SRGAP3: variants seen among roughly 807,000 people sequenced by gnomAD.
SRGAP3 encodes the protein SLIT-ROBO Rho GTPase activating protein 3.
In SRGAP3, 39 loss-of-function variants were observed where a neutral mutation model predicts 121.1. The observed-to-expected ratio is 0.32, with a 90% CI of 0.25 to 0.42. SRGAP3 has a LOEUF of 0.42. Among genes scored for constraint, SRGAP3 ranks in the 10% least tolerant of loss-of-function variants. The pLI, the probability that SRGAP3 is intolerant of heterozygous loss-of-function variation, is 1.00. For missense variants in SRGAP3, 1,213 were observed against 1,470.6 expected, an observed-to-expected ratio of 0.82 and a Z score of 2.86; for synonymous variants, 601 against 570.0, an observed-to-expected ratio of 1.05 and a Z score of -0.77.
chr3:9,321,026 G>C (rs1251829146), intron 3 of SRGAP3, among the ~76,000 whole-genome samples: 2 of 151,516 alleles, frequency 1.3e-5, no homozygotes, highest in African/African-American at 4.9e-5. Flanking sequence ...AATAGAACGT[G>C]GTGGAAGTAA....
intron 1 of SRGAP3, among the ~76,000 whole-genome samples, chr3:9,144,160 C>A (rs978779149): frequency 1.3e-5 from 2 of 152,220 alleles, no homozygotes; most frequent in Admixed American, 1.3e-4. Context: ...GCCTAAACCT[C>A]TTCAATGGAT....
rs899416958 is a variant in SRGAP3, at chr3:9,159,234, G to A, written c.68-34317C>T. On this transcript the variant is annotated intron_variant, in intron 1 of 21. Transcript: ENST00000383836. ...CTCCTGTTGGTATATTCCCAGCCTC[G>A]GCCCATTTCTTGGTGCTTGTCAGTC... is the stretch of plus-strand genomic sequence containing the variant. 4.6e-5 allele frequency among the ~76,000 whole-genome samples: 7 copies of A among 151,882 alleles called. No individual in the cohort carries two copies. In the East Asian group the frequency reaches 1.3e-3, roughly 29 times the overall value.
chr3:9,057,510 C>G (rs545903233), intron 7 of SRGAP3, among the ~76,000 whole-genome samples: 1 of 152,320 alleles, frequency 6.6e-6, no homozygotes, highest in African/African-American at 2.4e-5. Context: ...TGCAGAGGGT[C>G]TAGCAAATGC....
chr3:9,042,952 C>CA (rs1945091725), intron 10 of SRGAP3, among the ~76,000 whole-genome samples: 1 of 152,070 alleles, frequency 6.6e-6, no homozygotes, highest in Non-Finnish European at 1.5e-5. Flanking sequence ...CCCTCTTCCC[C>CA]AAAAACTCTT....
intron 3 of SRGAP3, among the ~76,000 whole-genome samples, chr3:9,263,232 A>G (rs1954288951): frequency 6.6e-6 from 1 of 152,230 alleles, no homozygotes; most frequent in African/African-American, 2.4e-5. Context: ...TTAAAGGGAA[A>G]TTTATAGCAC....
rs1421301195 is a variant in SRGAP3 at position 8,984,723 on chromosome 3, G to A, written c.*796C>T. The A allele has an allele frequency of 4.3e-6, 1 of 232,298 alleles. No homozygotes were observed. The highest frequency in any genetic ancestry group is 8.5e-6 in the Non-Finnish European group (1 of 117,260). 14.4% of individuals were successfully genotyped at this position (232,298 alleles called of 1,614,324 possible). ...CTCCGGGTGGAAGGGCAGGGTCTCT[G>A]GGGTGGACGGGGGTGGGGATTTCCT... On this transcript the variant is annotated 3_prime_UTR_variant, in exon 22 of 22. Coordinates refer to ENST00000383836, the MANE Select transcript of SRGAP3 (RefSeq NM_014850.4).
chr3:9,013,754 G>A lies in SRGAP3; in HGVS notation c.1902C>T (p.Leu634=). ...ACACTCACTGGTTGAGGAAAGCGAA[G>A]AGGTATCTCATGACCACAATGACCA... ...PRVVIVVMRY[L]FAFLNHLSQY... is the part of the protein sequence containing the mutation. The change falls in exon 16 of 22, where the codon CTC becomes CTT. Residue 634 remains leucine (L), a synonymous_variant. Transcript: ENST00000383836. 1 of 1,614,218 alleles carries A rather than the reference G, an allele frequency of 6.2e-7. No individual in the cohort carries two copies. Among genetic ancestry groups the A allele is most frequent in the Non-Finnish European group, 8.5e-7 (1 of 1,180,034 alleles).
chr3:9,151,614 TC>T (rs1044549946), intron 1 of SRGAP3, among the ~76,000 whole-genome samples: 1 of 152,152 alleles, frequency 6.6e-6, no homozygotes, highest in Non-Finnish European at 1.5e-5. Context: ...AGGAACACAC[TC>T]TAAACAACTG....
intron 1 of SRGAP3, among the ~76,000 whole-genome samples, chr3:9,356,760 G>A (rs1361939253): frequency 6.6e-6 from 1 of 151,718 alleles, no homozygotes; most frequent in Non-Finnish European, 1.5e-5. Context: ...CACCTGCCTC[G>A]GCCTCCTAAA....
chr3:9,027,997 T>C (rs1340360522), intron 12 of SRGAP3: 14 of 1,360,974 alleles, frequency 1.0e-5, no homozygotes, highest in Non-Finnish European at 1.5e-5. Flanking sequence ...GACAAGAATA[T>C]GGACCCATCA....
chr3:9,351,951 G>A (rs1288036481), intron 1 of SRGAP3, among the ~76,000 whole-genome samples: 1 of 152,152 alleles, frequency 6.6e-6, no homozygotes, highest in Non-Finnish European at 1.5e-5. Flanking sequence ...CCAAGTCAAA[G>A]AAGAGTTCCT....
intron 3 of SRGAP3, among the ~76,000 whole-genome samples, chr3:9,294,908 A>C (rs1954928007): frequency 6.6e-6 from 1 of 152,108 alleles, no homozygotes; most frequent in African/African-American, 2.4e-5. Flanking sequence ...TCAATCTGTT[A>C]GTGTTCCTTC....
chr3:9,064,276 C>T (rs1338106958), intron 5 of SRGAP3, 120 bp downstream of exon 5: 9 of 1,373,192 alleles, frequency 6.6e-6, no homozygotes, highest in Non-Finnish European at 9.1e-6. Flanking sequence ...CCCCCCTACC[C>T]ACCACCACCC....
At chr3:9,071,482 A>G (rs1015378602) in intron 4 of SRGAP3, among the ~76,000 whole-genome samples, 1 of 152,104 alleles carries the variant, frequency 6.6e-6, no homozygotes, top group African/African-American at 2.4e-5. Flanking sequence ...CTGGGAAGGG[A>G]GTGTTTTCTT....
chr3:9,046,608 A>G (rs1415172180), intron 10 of SRGAP3, among the ~76,000 whole-genome samples: 1 of 152,188 alleles, frequency 6.6e-6, no homozygotes, highest in Admixed American at 6.5e-5. Context: ...CTCGAGGGCC[A>G]AACCCTGACT....
In SRGAP3 at chr3:8,990,752, G is replaced by A. The variant is rs762375372; in HGVS notation, c.2646C>T (p.Ser882=). ...CAGCAGCCCGGGGTGGTGTGTCTAT[G>A]CTGGGGCCCAGGCCCCGGGGCGGGC... The part of the protein sequence containing the change: ...THSPPRGLGP[S]IDTPPRAAAC... Residue 882 remains serine, a synonymous_variant, in exon 21 of 22, where the codon AGC becomes AGT. Transcript: ENST00000383836. The A allele has an allele frequency of 6.2e-7, 1 of 1,608,642 alleles. No individual in the cohort carries two copies. The highest frequency in any genetic ancestry group is 8.5e-7 in the Non-Finnish European group (1 of 1,177,690).
chr3:9,173,128 C>G (rs1436996812), intron 1 of SRGAP3, among the ~76,000 whole-genome samples: 1 of 152,218 alleles, frequency 6.6e-6, no homozygotes, highest in Non-Finnish European at 1.5e-5. Context: ...ATGGCCACAT[C>G]TGGCCCAGCT....
Position 9,352,974 on chromosome 3 carries a change from C to T in SRGAP3, n.214+9866G>A, listed in dbSNP as rs901332891. ...AGTACTACAGTCCCAAGGCCACAGT[C>T]TCTAGGGCTGTTGTTGATGCTGAGC... On this transcript the variant is annotated intron_variant and non_coding_transcript_variant, in intron 1 of 3. Transcript: ENST00000490889. Among the ~76,000 whole-genome samples, 4 of 152,346 alleles carry T rather than the reference C, an allele frequency of 2.6e-5. No homozygotes were observed. In the South Asian group the frequency reaches 8.3e-4, roughly 32 times the overall value.
chr3:9,176,694 T>C (rs1282488531), intron 1 of SRGAP3, among the ~76,000 whole-genome samples: 1 of 152,134 alleles, frequency 6.6e-6, no homozygotes, highest in East Asian at 1.9e-4. Flanking sequence ...TAGGAGCAGG[T>C]GCATCACACT....
Sources: gnomAD v4.1 joint callset for allele counts (sites outside exome capture counted in the v4.1 genomes callset) on GRCh38, gnomAD v4.1.1 for gene constraint, MANE v1.5 for transcripts, NCBI Gene and HGNC (gene_info 2026-07-23, HGNC 2026-07-21) for gene names.